The following DLGAP2 variants were observed in gnomAD, a reference collection of about 807,000 sequenced individuals.
DLGAP2 encodes the protein disks large-associated protein 2.
DLGAP2 carries 26 observed loss-of-function variants against 100.3 expected under a neutral mutation model. That is an observed-to-expected ratio of 0.26 (90% CI 0.19 to 0.36). The LOEUF is 0.36. Ranked by LOEUF, DLGAP2 falls within the 10% of genes least tolerant of loss-of-function variation. The probability of loss-of-function intolerance (pLI) is 1.00; values close to 1 mark genes in which losing one functional copy is unlikely to be tolerated. For missense variants in DLGAP2, 1,858 were observed against 1,453.2 expected, an observed-to-expected ratio of 1.28 and a Z score of -4.53; for synonymous variants, 886 against 630.1, an observed-to-expected ratio of 1.41 and a Z score of -6.08.
rs190061980 is a variant in DLGAP2, at chr8:1,274,604, A to G, written c.106+15721A>G. ...TTGGATTTGTTTTAGAACATAAACC[A>G]TAAAATGAGTGACTTTGGATTTGTT... On this transcript the variant is annotated intron_variant, in intron 3 of 14. Transcript: ENST00000637795. 4.4e-4 allele frequency among the ~76,000 whole-genome samples: 62 copies of G among 141,134 alleles called. 1 individual carries two copies. Among genetic ancestry groups the G allele is most frequent in the Non-Finnish European group, 8.1e-4 (49 of 60,358 alleles). The allele number at this position is 141,134 out of a possible 152,430, so 92.6% of individuals were successfully genotyped here.
chr8:1,008,774 C>G (rs1398761109), intron 2 of DLGAP2, among the ~76,000 whole-genome samples: 1 of 152,240 alleles, frequency 6.6e-6, no homozygotes, highest in African/African-American at 2.4e-5. Context: ...GGAGCAACCT[C>G]CACCTGCTGC....
At chr8:1,146,244 C>T (rs888528008) in intron 2 of DLGAP2, among the ~76,000 whole-genome samples, 6 of 152,152 alleles carry the variant, frequency 3.9e-5, no homozygotes, top group South Asian at 2.1e-4. Context: ...TCACCTCGAA[C>T]GTCTTTTCTT....
intron 2 of DLGAP2, among the ~76,000 whole-genome samples, chr8:1,233,074 G>A (rs929017173): frequency 6.6e-6 from 1 of 152,172 alleles, no homozygotes; most frequent in Non-Finnish European, 1.5e-5. Context: ...AGCACCACGT[G>A]TTCAAGTTTC....
At chr8:1,370,733 G>A (rs80076361) in intron 3 of DLGAP2, among the ~76,000 whole-genome samples, 2,043 of 152,258 alleles carry the variant, frequency 0.013, 38 homozygotes, top group African/African-American at 0.047. Context: ...CTGCTTTGCT[G>A]GTGTATGTAG....
chr8:1,388,022 C>G (rs1028818990), intron 3 of DLGAP2, among the ~76,000 whole-genome samples: 3 of 152,244 alleles, frequency 2.0e-5, no homozygotes, highest in African/African-American at 7.2e-5. Flanking sequence ...GACTCACTGG[C>G]CAGACGTGGA....
At chr8:1,454,425 C>A (rs1444191779) in intron 3 of DLGAP2, among the ~76,000 whole-genome samples, 2 of 151,634 alleles carry the variant, frequency 1.3e-5, no homozygotes, top group Non-Finnish European at 1.5e-5. Flanking sequence ...AAGGGTGTTC[C>A]TGCTGGCAAC....
At chr8:873,009 T>G (rs1391260657) in intron 1 of DLGAP2, among the ~76,000 whole-genome samples, 1 of 151,682 alleles carries the variant, frequency 6.6e-6, no homozygotes, top group Non-Finnish European at 1.5e-5. Context: ...ATATAAAGCT[T>G]AATACAGTGT....
chr8:1,681,076 A>G (rs1798932191), intron 12 of DLGAP2, among the ~76,000 whole-genome samples: 1 of 152,186 alleles, frequency 6.6e-6, no homozygotes, highest in African/African-American at 2.4e-5. Context: ...AAAATTTACA[A>G]AGAGGTCATG....
At chr8:1,285,358 A>G (rs1211679445) in intron 3 of DLGAP2, among the ~76,000 whole-genome samples, 1 of 152,232 alleles carries the variant, frequency 6.6e-6, no homozygotes, top group Non-Finnish European at 1.5e-5. Flanking sequence ...ATTTTTCTCA[A>G]AAAGCTCAGT....
intron 5 of DLGAP2, among the ~76,000 whole-genome samples, chr8:1,564,342 A>G (rs1195214145): frequency 6.6e-6 from 1 of 152,146 alleles, no homozygotes; most frequent in Non-Finnish European, 1.5e-5. Context: ...CAGATGGTGG[A>G]TGGAAACAGA....
chr8:1,061,870 G>C (rs1255406349), intron 2 of DLGAP2, among the ~76,000 whole-genome samples: 1 of 151,954 alleles, frequency 6.6e-6, no homozygotes, highest in African/African-American at 2.4e-5. Context: ...CTGTGTGGAC[G>C]GGGCCCCTCC....
chr8:1,411,828 A>G (rs1796739023), intron 3 of DLGAP2, among the ~76,000 whole-genome samples: 1 of 152,218 alleles, frequency 6.6e-6, no homozygotes, highest in Non-Finnish European at 1.5e-5. Flanking sequence ...AATTTTCCCT[A>G]ATCAGCTCTG....
chr8:1,229,839 T>C (rs948414120), intron 2 of DLGAP2, among the ~76,000 whole-genome samples: 2 of 152,078 alleles, frequency 1.3e-5, no homozygotes, highest in African/African-American at 2.4e-5. Flanking sequence ...ATAAAAACCC[T>C]CCAGAAACTA....
At chr8:1,361,555 G>T (rs1801982453) in intron 3 of DLGAP2, among the ~76,000 whole-genome samples, 1 of 152,206 alleles carries the variant, frequency 6.6e-6, no homozygotes. Flanking sequence ...TCTTGCTCGT[G>T]ATTGTTTTAG....
chr8:1,545,449 A>G (rs1321457458), intron 4 of DLGAP2, among the ~76,000 whole-genome samples: 2 of 152,218 alleles, frequency 1.3e-5, no homozygotes, highest in Non-Finnish European at 2.9e-5. Flanking sequence ...TGAATAAATG[A>G]CTATAATTGC....
intron 2 of DLGAP2, among the ~76,000 whole-genome samples, chr8:1,001,706 A>G (rs1350244985): frequency 2.0e-5 from 3 of 152,342 alleles, no homozygotes; most frequent in Non-Finnish European, 4.4e-5. Context: ...TCTGGCAGCA[A>G]GCCATTTATC....
At chr8:833,199 A>G (rs956817183) in intron 1 of DLGAP2, among the ~76,000 whole-genome samples, 2 of 152,212 alleles carry the variant, frequency 1.3e-5, no homozygotes, top group South Asian at 2.1e-4. Flanking sequence ...ACATCACCCA[A>G]TTATTCCTAA....
chr8:843,519 T>G lies in DLGAP2; in HGVS notation c.19-64393T>G, dbSNP rs574772286. On this transcript the variant is annotated intron_variant, in intron 1 of 14. Transcript: ENST00000637795. ...GTGGGCACCACGGCCTCTCCTGGGGTTCCACCGGGCCTGGCCTGTCCCTCA... is the reference window on the plus strand; with the variant it reads ...GTGGGCACCACGGCCTCTCCTGGGGGTCCACCGGGCCTGGCCTGTCCCTCA... Among the ~76,000 whole-genome samples, 986 of 152,320 alleles carry G rather than the reference T, an allele frequency of 6.5e-3. 4 individuals carry two copies. Among genetic ancestry groups the G allele is most frequent in the Middle Eastern group, 0.01 (3 of 294 alleles).
intron 3 of DLGAP2, among the ~76,000 whole-genome samples, chr8:1,364,018 C>T (rs377716596): frequency 3.3e-5 from 5 of 152,174 alleles, no homozygotes; most frequent in Admixed American, 2.0e-4. Context: ...AGGTGGTACC[C>T]CTCACTGATC....
Sources: allele counts gnomAD v4.1 joint callset (sites outside exome capture counted in the v4.1 genomes callset), GRCh38; gene constraint gnomAD v4.1.1; transcripts MANE v1.5; gene names NCBI Gene and HGNC (gene_info 2026-07-23, HGNC 2026-07-21).